Variants in DCAF17 observed in about 807,000 individuals in gnomAD.
DCAF17 encodes the protein DDB1 and CUL4 associated factor 17, also known as DDB1- and CUL4-associated factor 17.
DCAF17 carries 48 observed loss-of-function variants against 66.0 expected under a neutral mutation model. The ratio of observed to expected loss-of-function variants is 0.73; its 90% CI spans 0.58 to 0.92. The LOEUF is 0.92. DCAF17 is among the 40% of genes least tolerant of loss of function. The probability of loss-of-function intolerance (pLI) is 0.00; values close to 1 mark genes in which losing one functional copy is unlikely to be tolerated. For synonymous variants in DCAF17, 206 were observed against 214.6 expected (o/e 0.96, Z 0.35); for missense variants, 562 against 622.8 (o/e 0.90, Z 1.04).
chr2:171,464,632 A>T (rs536449935), intron 8 of DCAF17, among the ~76,000 whole-genome samples: 1 of 152,326 alleles, frequency 6.6e-6, no homozygotes, highest in East Asian at 1.9e-4. Flanking sequence ...TTGAGGGAAC[A>T]CAAGTCAACT....
At position 171,481,597 on chromosome 2, in the gene DCAF17, A is replaced by G. The variant is rs1051467808; in HGVS notation, c.*483A>G. On this transcript the variant is annotated 3_prime_UTR_variant, in exon 14 of 14. Transcript: ENST00000375255. ...GAAATGAGATGTGTTATGTGAGAACATTATTTTGAGCCCAAAATGTGTCAT... is the reference window on the plus strand; with the variant it reads ...GAAATGAGATGTGTTATGTGAGAACGTTATTTTGAGCCCAAAATGTGTCAT... 2.0e-5 allele frequency: 9 copies of G among 453,940 alleles called. No homozygotes were observed. Among genetic ancestry groups the G allele is most frequent in the Admixed American group, 4.7e-5 (2 of 42,540 alleles). The allele number at this position is 453,940 out of a possible 1,614,324, so 28.1% of individuals were successfully genotyped here. A position where few individuals can be genotyped will look rare whatever the true frequency, so the allele number is the denominator to read the frequency against.
chr2:171,447,166 ATGTG>A (rs1694674534), intron 3 of DCAF17, among the ~76,000 whole-genome samples: 1 of 151,870 alleles, frequency 6.6e-6, no homozygotes, highest in Non-Finnish European at 1.5e-5. Context: ...GTGGTGTATA[ATGTG>A]TTATTCAATT....
At chr2:171,475,723 G>A (rs1482480014) in intron 10 of DCAF17, among the ~76,000 whole-genome samples, 1 of 152,110 alleles carries the variant, frequency 6.6e-6, no homozygotes, top group African/African-American at 2.4e-5. Context: ...TGATTGTAGC[G>A]CTGTACTCCA....
chr2:171,443,397 T>G (rs1694429493), intron 2 of DCAF17, 126 bp from the exon 3 acceptor site: 1 of 683,068 alleles, frequency 1.5e-6, no homozygotes, highest in Admixed American at 2.8e-5. Flanking sequence ...AATATTTAGT[T>G]AAGAGGAAAG....
At chr2:171,468,768 A>G in intron 8 of DCAF17, 120 bp from the exon 9 acceptor site, 2 of 1,332,876 alleles carry the variant, frequency 1.5e-6, no homozygotes, top group South Asian at 1.2e-5. Context: ...TGAACATAGT[A>G]ATTTTTCATT....
At chr2:171,476,516 T>C (rs1283025771) in intron 10 of DCAF17, among the ~76,000 whole-genome samples, 1 of 152,196 alleles carries the variant, frequency 6.6e-6, no homozygotes, top group East Asian at 1.9e-4. Flanking sequence ...TTGTTAGAGC[T>C]GAAATGTTAG....
At position 171,483,552 on chromosome 2, in the gene DCAF17, A is replaced by G. The variant is rs970755112; in HGVS notation, c.*2438A>G. On this transcript the variant is annotated 3_prime_UTR_variant, in exon 14 of 14. Transcript: ENST00000375255. ...AAACAAAACAAATCCTATCCTATTT[A>G]CTATTTGTGCTACCTAGTGAGGAGA... The G allele has an allele frequency of 4.4e-6, 2 of 454,044 alleles. No individual in the cohort carries two copies. The highest frequency in any genetic ancestry group is 2.0e-5 in the African/African-American group (1 of 50,018). 28.1% of individuals were successfully genotyped at this position (454,044 alleles called of 1,614,324 possible).
chr2:171,480,623 A>T (rs1696700452), intron 13 of DCAF17, among the ~76,000 whole-genome samples: 1 of 152,168 alleles, frequency 6.6e-6, no homozygotes, highest in African/African-American at 2.4e-5. Flanking sequence ...AGTTGTAAGG[A>T]ACAATAGACA....
At chr2:171,463,434 A>G (rs1186966501) in intron 8 of DCAF17, among the ~76,000 whole-genome samples, 3 of 152,186 alleles carry the variant, frequency 2.0e-5, no homozygotes, top group African/African-American at 4.8e-5. Flanking sequence ...TTTGCTTGGA[A>G]TATCTGAAAG....
chr2:171,447,137 T>G (rs1305204283), intron 3 of DCAF17, among the ~76,000 whole-genome samples: 1 of 152,074 alleles, frequency 6.6e-6, no homozygotes, highest in Non-Finnish European at 1.5e-5. Context: ...GTGAGTTTTT[T>G]GTATTGTTTT....
At position 171,458,595 on chromosome 2, in the gene DCAF17, A is replaced by G. The variant is rs140025362; in HGVS notation, c.838+118A>G. ...TTATTTAAAAAACTCAATTCATTTT[A>G]CTCCTATACATCATGTGCCTTGCTA... is the stretch of plus-strand genomic sequence containing the variant. On this transcript the variant is annotated intron_variant, in intron 8 of 13. Coordinates refer to ENST00000375255, the MANE Select transcript of DCAF17 (RefSeq NM_025000.4). The G allele has an allele frequency of 3.0e-3, 2,316 of 779,930 alleles. 40 individuals are homozygous for G. The African/African-American group carries it at 0.035, about 12-fold the overall frequency. 48.3% of individuals were successfully genotyped at this position (779,930 alleles called of 1,614,324 possible).
In DCAF17 at chr2:171,485,024, A is replaced by G. The variant is rs752404121; in HGVS notation, c.*3910A>G. 8.8e-6 allele frequency: 4 copies of G among 453,620 alleles called. No individual in the cohort carries two copies. The highest frequency in any genetic ancestry group is 3.1e-5 in the South Asian group (2 of 64,328). 28.1% of individuals were successfully genotyped at this position (453,620 alleles called of 1,614,324 possible). A position where few individuals can be genotyped will look rare whatever the true frequency, so the allele number is the denominator to read the frequency against. On this transcript the variant is annotated 3_prime_UTR_variant, in exon 14 of 14. Transcript: ENST00000375255. ...TTCTGCTTGTTTTTTACTGTTATGA[A>G]TAAAGCTGCTATGAACATTCTTAGA... is the stretch of plus-strand genomic sequence containing the variant.
intron 8 of DCAF17, among the ~76,000 whole-genome samples, chr2:171,464,520 T>C (rs1377816949): frequency 6.6e-6 from 1 of 152,180 alleles, no homozygotes; most frequent in East Asian, 1.9e-4. Flanking sequence ...TTAGGTCCTA[T>C]CCTTATCCAG....
rs1438978570 is a variant in DCAF17, at chr2:171,482,872, CACTGCCTAAATCTA to C, written c.*1762_*1775del. ...CACTAAGAAACCCCCAGTATGTCAC[CACTGCCTAAATCTA>C]ACTAGACCAGGGTCCAAATGCCATC... is the stretch of plus-strand genomic sequence containing the variant. On this transcript the variant is annotated 3_prime_UTR_variant, in exon 14 of 14. Coordinates refer to ENST00000375255, the MANE Select transcript of DCAF17 (RefSeq NM_025000.4). 8 of 453,944 alleles carry C rather than the reference CACTGCCTAAATCTA, an allele frequency of 1.8e-5. No homozygotes were observed. The East Asian group carries it at 5.6e-4, about 32-fold the overall frequency. The allele number at this position is 453,944 out of a possible 1,614,324, so 28.1% of individuals were successfully genotyped here. A position where few individuals can be genotyped will look rare whatever the true frequency, so the allele number is the denominator to read the frequency against.
rs1162439166 is a variant in DCAF17, at chr2:171,453,660, GT to G, written c.627+451del. ...AATTTTCCAATTCATTCAGTTTTGG[GT>G]TTTATTGTTGTTCCCATTTGTTCTT... On this transcript the variant is annotated intron_variant, in intron 6 of 13. Transcript: ENST00000375255. Among the ~76,000 whole-genome samples, 8 of 152,116 alleles carry G rather than the reference GT, an allele frequency of 5.3e-5. No individual in the cohort carries two copies. The East Asian group carries it at 1.4e-3, about 26-fold the overall frequency.
rs539010847 is a variant in DCAF17 at position 171,452,440 on chromosome 2, G to A, written c.538-684G>A. Among the ~76,000 whole-genome samples, 71 of 152,074 alleles carry A rather than the reference G, an allele frequency of 4.7e-4. 1 individual carries two copies. The highest frequency in any genetic ancestry group is 1.7e-3 in the African/African-American group (70 of 41,482). Reference sequence around the variant, plus strand: ...TTTCTAATTTCCTGTAAAGGAGTCAGCACAACACTACTTTCATTATATATT... The same window carrying A: ...TTTCTAATTTCCTGTAAAGGAGTCAACACAACACTACTTTCATTATATATT... On this transcript the variant is annotated intron_variant, in intron 5 of 13. Coordinates refer to ENST00000375255, the MANE Select transcript of DCAF17 (RefSeq NM_025000.4).
intron 2 of DCAF17, among the ~76,000 whole-genome samples, chr2:171,440,525 C>T (rs1694247541): frequency 6.6e-6 from 1 of 151,876 alleles, no homozygotes; most frequent in Admixed American, 6.6e-5. Context: ...CTCGAGCCGT[C>T]AGCATGCCAC....
chr2:171,438,737 C>CT (rs201547812), intron 2 of DCAF17, among the ~76,000 whole-genome samples: 4 of 150,960 alleles, frequency 2.6e-5, no homozygotes, highest in African/African-American at 4.9e-5. Context: ...CTATCTGTGC[C>CT]TTTTTTTTTC....
intron 8 of DCAF17, among the ~76,000 whole-genome samples, chr2:171,463,073 ATAC>A (rs1209413886): frequency 6.6e-6 from 1 of 152,116 alleles, no homozygotes; most frequent in Non-Finnish European, 1.5e-5. Context: ...TCTACTAAAA[ATAC>A]AAAAATTAGT....
Sources: allele counts gnomAD v4.1 joint callset (sites outside exome capture counted in the v4.1 genomes callset), GRCh38; gene constraint gnomAD v4.1.1; transcripts MANE v1.5; gene names NCBI Gene and HGNC (gene_info 2026-07-23, HGNC 2026-07-21).